FGF14: variants seen among roughly 807,000 people sequenced by gnomAD.
FGF14 encodes the protein fibroblast growth factor 14, also known as fibroblast growth factor homologous factor 4.
A neutral mutation model predicts 25.5 loss-of-function variants in FGF14; 5 were observed. The observed-to-expected ratio is 0.20, with a 90% CI of 0.10 to 0.41. The LOEUF is 0.41. Among genes scored for constraint, FGF14 ranks in the 10% least tolerant of loss-of-function variants. The pLI is 1.00. For synonymous variants in FGF14, 138 were observed against 118.3 expected (o/e 1.17, Z -1.08); for missense variants, 222 against 320.1 (o/e 0.69, Z 2.34).
intron 1 of FGF14, chr13:102,395,720 A>G (rs2058565323): frequency 6.6e-6 from 1 of 152,242 alleles, no homozygotes; most frequent in South Asian, 2.1e-4. Context: ...TGTCGTGAAC[A>G]GAGTTTTTGT....
At chr13:101,915,237 T>TA (rs537118072) in intron 1 of FGF14, among the ~76,000 whole-genome samples, 40 of 151,196 alleles carry the variant, frequency 2.6e-4, no homozygotes, top group African/African-American at 7.8e-4. Context: ...CATTAGCCTT[T>TA]AAAAAAAAAG....
At chr13:102,320,032 C>T (rs1046263472) in intron 1 of FGF14, among the ~76,000 whole-genome samples, 1 of 152,050 alleles carries the variant, frequency 6.6e-6, no homozygotes, top group African/African-American at 2.4e-5. Context: ...GAAAGATACA[C>T]ACCTATATAG....
At chr13:102,224,340 A>G (rs16959978) in intron 1 of FGF14, among the ~76,000 whole-genome samples, 4,966 of 152,250 alleles carry the variant, frequency 0.033, 236 homozygotes, top group African/African-American at 0.11. Context: ...ATGTCATTTC[A>G]GTATCAGATC....
chr13:102,179,505 A>G (rs2048581610), intron 1 of FGF14, among the ~76,000 whole-genome samples: 1 of 152,116 alleles, frequency 6.6e-6, no homozygotes, highest in Admixed American at 6.5e-5. Flanking sequence ...CACCACCACC[A>G]TCACCAATAC....
chr13:101,948,797 A>G (rs1254018635), intron 1 of FGF14, among the ~76,000 whole-genome samples: 3 of 152,170 alleles, frequency 2.0e-5, no homozygotes, highest in South Asian at 4.1e-4. Context: ...AATAAATACA[A>G]TCATCAAACG....
Position 102,092,820 on chromosome 13 carries a change from G to A in FGF14, c.209-217524C>T, listed in dbSNP as rs148653372. Among the ~76,000 whole-genome samples, 548 of 152,156 alleles carry A rather than the reference G, an allele frequency of 3.6e-3. 2 individuals are homozygous for A. The highest frequency in any genetic ancestry group is 0.012 in the African/African-American group (500 of 41,516). On this transcript the variant is annotated intron_variant, in intron 1 of 4. Coordinates refer to the FGF14 transcript ENST00000376131. The stretch of plus-strand genomic sequence containing the variant: ...GCACCCTAACACAAGACACCAGAGC[G>A]GCCTTTAAGGTTTGAGAAGAAAAGG...
intron 1 of FGF14, among the ~76,000 whole-genome samples, chr13:102,089,213 C>T (rs982606907): frequency 6.6e-6 from 1 of 152,142 alleles, no homozygotes; most frequent in Non-Finnish European, 1.5e-5. Context: ...CACAGCCAGA[C>T]TGTGTTCTGT....
intron 1 of FGF14, among the ~76,000 whole-genome samples, chr13:102,122,544 GTGAGTATCTTTCAGT>G (rs1299395843): frequency 1.3e-5 from 2 of 152,166 alleles, no homozygotes; most frequent in East Asian, 3.9e-4. Context: ...GTTAAAGCCA[GTGAGTATCTTTCAGT>G]TGTTATATGA....
At chr13:101,774,285 G>A (rs534327067) in intron 3 of FGF14, among the ~76,000 whole-genome samples, 17 of 152,270 alleles carry the variant, frequency 1.1e-4, no homozygotes, top group Non-Finnish European at 2.1e-4. Context: ...CCAGGCAGAT[G>A]TGTCTCAATG....
chr13:101,722,656 G>C lies in FGF14; in HGVS notation c.*175C>G. ...GTTATCCAGGTGTCTTCTTGTTGTG[G>C]GGGGTGCAACAGGTTGAGATTTATC... On this transcript the variant is annotated 3_prime_UTR_variant, in exon 5 of 5. Coordinates refer to ENST00000376143, the MANE Select transcript of FGF14 (RefSeq NM_004115.4). 4 of 780,872 alleles carry C rather than the reference G, an allele frequency of 5.1e-6. No individual in the cohort carries two copies. Among genetic ancestry groups the C allele is most frequent in the Non-Finnish European group, 6.3e-6 (3 of 476,496 alleles). The allele number at this position is 780,872 out of a possible 1,614,324, so 48.4% of individuals were successfully genotyped here. A position where few individuals can be genotyped will look rare whatever the true frequency, so the allele number is the denominator to read the frequency against.
intron 1 of FGF14, among the ~76,000 whole-genome samples, chr13:102,016,109 C>A (rs142743396): frequency 1.3e-5 from 2 of 152,066 alleles, no homozygotes; most frequent in African/African-American, 4.8e-5. Context: ...GGCCAATATA[C>A]GCCAAAGCAT....
At chr13:101,777,246 T>C (rs1023769157) in intron 3 of FGF14, among the ~76,000 whole-genome samples, 5 of 152,178 alleles carry the variant, frequency 3.3e-5, no homozygotes, top group South Asian at 2.1e-4. Context: ...CTGAGTACCA[T>C]TGTTTTGTAG....
At chr13:101,940,512 CA>C (rs2035379333) in intron 1 of FGF14, among the ~76,000 whole-genome samples, 1 of 152,158 alleles carries the variant, frequency 6.6e-6, no homozygotes, top group South Asian at 2.1e-4. Context: ...GGCTTTTGTA[CA>C]AATTGCTTTT....
rs1209688960 is a variant in FGF14, at chr13:102,133,872, TATTAAC to T, written c.209-258582_209-258577del. Among the ~76,000 whole-genome samples the T allele has an allele frequency of 3.3e-5, 5 of 152,330 alleles. No individual in the cohort carries two copies. The East Asian group carries it at 7.7e-4, about 23-fold the overall frequency. ...TGGTCAGTGTGCATGGGGAATGGAC[TATTAAC>T]ATTGTTTCTTCCCTGCTGTTTCTTC... On this transcript the variant is annotated intron_variant, in intron 1 of 4. Transcript: ENST00000376131.
chr13:101,777,874 G>T (rs1470893443), intron 3 of FGF14, among the ~76,000 whole-genome samples: 2 of 152,128 alleles, frequency 1.3e-5, no homozygotes, highest in African/African-American at 4.8e-5. Context: ...TAGGGTAGGA[G>T]AATCGCTTGA....
chr13:102,187,362 T>C (rs1391528863), intron 1 of FGF14, among the ~76,000 whole-genome samples: 2 of 152,212 alleles, frequency 1.3e-5, no homozygotes, highest in African/African-American at 2.4e-5. Flanking sequence ...AACTCTGCTA[T>C]TGATAACATG....
chr13:101,930,444 A>C (rs2139236244), intron 1 of FGF14, among the ~76,000 whole-genome samples: 1 of 152,294 alleles, frequency 6.6e-6, no homozygotes, highest in South Asian at 2.1e-4. Flanking sequence ...TCCTAGTGTT[A>C]ATACTGTATT....
chr13:101,910,837 CGTGTGTGTGTGTGTGTGT>C (rs59758881), intron 1 of FGF14, among the ~76,000 whole-genome samples: 1,444 of 129,316 alleles, frequency 0.011, 24 homozygotes, highest in African/African-American at 0.035. Flanking sequence ...GATTTGGATT[CGTGTGTGTGTGTGTGTGT>C]GTGTGTGTGT....
At chr13:101,751,514 T>C (rs768067682) in intron 3 of FGF14, among the ~76,000 whole-genome samples, 7 of 152,150 alleles carry the variant, frequency 4.6e-5, no homozygotes, top group Admixed American at 6.5e-5. Flanking sequence ...TCAGCAATTA[T>C]GCATCAGGGA....
Sources: allele counts gnomAD v4.1 joint callset (sites outside exome capture counted in the v4.1 genomes callset), GRCh38; gene constraint gnomAD v4.1.1; transcripts MANE v1.5; gene names NCBI Gene and HGNC (gene_info 2026-07-23, HGNC 2026-07-21).